The following NRP2 variants were observed in gnomAD, a reference collection of about 807,000 sequenced individuals.
NRP2 encodes neuropilin 2.
Under a neutral mutation model 110.4 loss-of-function variants are expected in NRP2, and 52 were observed. That is an observed-to-expected ratio of 0.47 (90% confidence interval 0.38 to 0.59). NRP2 has a LOEUF of 0.59. NRP2 is among the 20% of genes least tolerant of loss of function. The pLI is 0.00. For missense variants in NRP2, 1,049 were observed against 1,203.0 expected (o/e 0.87, Z 1.89); for synonymous variants, 508 against 468.9 (o/e 1.08, Z -1.08).
chr2:205,697,898 G>T (rs2056469717), intron 2 of NRP2, 177 bp downstream of exon 2: 1 of 710,098 alleles, frequency 1.4e-6, no homozygotes, highest in African/African-American at 1.7e-5. Context: ...AAATAAAGGT[G>T]TGGCTGATCC....
intron 1 of NRP2, among the ~76,000 whole-genome samples, chr2:205,690,175 GT>G (rs1232409316): frequency 6.6e-6 from 1 of 152,136 alleles, no homozygotes; most frequent in East Asian, 1.9e-4. Flanking sequence ...AATAATAATT[GT>G]TTGGATACAG....
intron 15 of NRP2, among the ~76,000 whole-genome samples, chr2:205,774,790 T>C (rs1017147670): frequency 2.6e-5 from 4 of 152,180 alleles, no homozygotes; most frequent in Admixed American, 6.5e-5. Context: ...GACTCAGAAA[T>C]AGGAGTCTTA....
At chr2:205,726,167 G>A in intron 6 of NRP2, 85 bp downstream of exon 6, 1 of 1,382,970 alleles carries the variant, frequency 7.2e-7, no homozygotes, top group African/African-American at 1.4e-5. Context: ...GTAGGCAGAG[G>A]ACACAAAGAA....
In NRP2 at chr2:205,723,786, T is replaced by C; in HGVS notation, c.666T>C (p.Val222=). ...CTTCTCTTTGTCTTGAATGTCCAGTTGGCCCCCTGATTGGCAAGTACTGTG... is the reference window on the plus strand; with the variant it reads ...CTTCTCTTTGTCTTGAATGTCCAGTCGGCCCCCTGATTGGCAAGTACTGTG... ...WLDIWDGIPH[V]GPLIGKYCGT... The change falls in exon 5 of 17, where the codon GTT becomes GTC. Residue 222 remains valine, a splice_region_variant and synonymous_variant. Coordinates refer to ENST00000357785, the MANE Select transcript of NRP2 (RefSeq NM_003872.3). 1 of 1,614,188 alleles carries C rather than the reference T, an allele frequency of 6.2e-7. No homozygotes were observed. The highest frequency in any genetic ancestry group is 8.5e-7 in the Non-Finnish European group (1 of 1,180,002).
intron 15 of NRP2, among the ~76,000 whole-genome samples, chr2:205,789,299 G>A (rs2058271611): frequency 1.3e-5 from 2 of 152,140 alleles, no homozygotes; most frequent in South Asian, 4.1e-4. Flanking sequence ...TCCACATGGG[G>A]GCCTAGAAGG....
Position 205,716,354 on chromosome 2 carries a change from G to T in NRP2, c.413G>T (p.Arg138Leu), listed in dbSNP as rs1478160503. 6.2e-7 allele frequency: 1 copy of T among 1,613,998 alleles called. No individual in the cohort carries two copies. The highest frequency in any genetic ancestry group is 2.2e-5 in the East Asian group (1 of 44,876). ...CGGCAGGGGGCAGGCTTCTCTCTGC[G>T]CTACGAGATCTTCAAGACAGGTCAG... is the stretch of plus-strand genomic sequence containing the variant. ...YARQGAGFSL[R>L]YEIFKTGSED... Residue 138 changes from arginine to leucine, a missense_variant, in exon 3 of 17, where the codon CGC (arginine) becomes CTC (leucine). Physicochemically the swap from Arg to Leu is moderately radical, Grantham distance 102 (BLOSUM62 -2). Transcript: ENST00000357785.
In NRP2 at chr2:205,725,895, A is replaced by G. The variant is rs1330729657; in HGVS notation, c.821-18A>G. 4 of 1,613,698 alleles carry G rather than the reference A, an allele frequency of 2.5e-6. No individual in the cohort carries two copies. In the South Asian group the frequency reaches 3.3e-5, roughly 13 times the overall value. On this transcript the variant is annotated intron_variant, in intron 5 of 16. Transcript: ENST00000357785. This position sits in a 1 kb window ranked among gnomAD's most constrained non-coding sequence, Gnocchi z 4.1. ...AGGTTGGAAGGCCTAACTGCATTTG[A>G]CCGTCTGCTTTCCCCAGACTTTCAG...
intron 15 of NRP2, among the ~76,000 whole-genome samples, chr2:205,789,611 C>T (rs544516477): frequency 6.6e-6 from 1 of 152,230 alleles, no homozygotes; most frequent in Non-Finnish European, 1.5e-5. Context: ...GGAGCTGTGG[C>T]CTCTACCCTC....
chr2:205,740,411 G>T, intron 7 of NRP2, 108 bp from the exon 8 acceptor site: 1 of 1,219,592 alleles, frequency 8.2e-7, no homozygotes, highest in Admixed American at 1.7e-5. Flanking sequence ...TTTTAAGCTT[G>T]AGGGAAAGAA....
rs201943861 is a variant in NRP2 at position 205,763,663 on chromosome 2, G to T, written c.2045-11G>T. The T allele has an allele frequency of 4.3e-6, 7 of 1,614,146 alleles. No homozygotes were observed. In the South Asian group the frequency reaches 5.5e-5, roughly 13 times the overall value. ...TTATGGAGAACCTCTGTTTGGGTTT[G>T]TTTCTGCCAGATGACAGGAATTTCT... On this transcript the variant is annotated splice_polypyrimidine_tract_variant and intron_variant, in intron 12 of 16. Coordinates refer to ENST00000357785, the MANE Select transcript of NRP2 (RefSeq NM_003872.3). This position sits in a 1 kb window ranked among gnomAD's most constrained non-coding sequence, Gnocchi z 4.0.
intron 1 of NRP2, among the ~76,000 whole-genome samples, chr2:205,695,692 CT>C (rs1297269834): frequency 6.6e-6 from 1 of 152,172 alleles, no homozygotes; most frequent in Non-Finnish European, 1.5e-5. Context: ...AAAATTCCCC[CT>C]TCTGCTAGTT....
In NRP2 at chr2:205,765,498, A is replaced by C. The variant is rs754582602; in HGVS notation, c.2332A>C (p.Lys778Gln). The change falls in exon 14 of 17, where the codon AAA (lysine) becomes CAA (glutamine). Residue 778 changes from lysine (K) to glutamine (Q), a missense_variant. Physicochemically the swap from Lys to Gln is moderately conservative, Grantham distance 53. Coordinates refer to ENST00000357785, the MANE Select transcript of NRP2 (RefSeq NM_003872.3). ...GATTGTGTTCGAGGGAGTGATAGGG[A>C]AAGGACGTTCCGGAGAGATTGCCAT... ...YQIVFEGVIGKGRSGEIAIDD... is the reference protein window; with the variant it reads ...YQIVFEGVIGQGRSGEIAIDD... The C allele has an allele frequency of 1.2e-6, 2 of 1,614,008 alleles. No homozygotes were observed. Among genetic ancestry groups the C allele is most frequent in the South Asian group, 1.1e-5 (1 of 91,086 alleles).
intron 10 of NRP2, among the ~76,000 whole-genome samples, chr2:205,748,109 C>T (rs1419599379): frequency 6.6e-6 from 1 of 152,174 alleles, no homozygotes; most frequent in Non-Finnish European, 1.5e-5. Flanking sequence ...ACACGCCCTG[C>T]CCTCCGGTGC....
rs1201284590 is a variant in NRP2, at chr2:205,795,974, A to ACATACACATAT, written c.*917_*927dup. 4.6e-5 allele frequency: 7 copies of ACATACACATAT among 152,132 alleles called. No homozygotes were observed. The highest frequency in any genetic ancestry group is 1.7e-4 in the African/African-American group (7 of 41,418). 9.4% of individuals were successfully genotyped at this position (152,132 alleles called of 1,614,324 possible). On this transcript the variant is annotated 3_prime_UTR_variant, in exon 17 of 17. Transcript: ENST00000357785. ...AAAACATATACATATATACATACAC[A>ACATACACATAT]CATACACATATTCTTCAGGTCTCTA...
chr2:205,740,466 G>T, intron 7 of NRP2, 53 bp from the exon 8 acceptor site: 1 of 1,607,914 alleles, frequency 6.2e-7, no homozygotes, highest in Non-Finnish European at 8.5e-7. Context: ...TGCTCAAGTG[G>T]CTGAACTACA....
chr2:205,788,780 G>A (rs1164014232), intron 15 of NRP2, among the ~76,000 whole-genome samples: 2 of 152,190 alleles, frequency 1.3e-5, no homozygotes, highest in African/African-American at 2.4e-5. Context: ...TGGCATGGGT[G>A]AGTCTTCACT....
chr2:205,728,403 A>G (rs559382523), intron 7 of NRP2, among the ~76,000 whole-genome samples: 25 of 152,298 alleles, frequency 1.6e-4, no homozygotes, highest in African/African-American at 5.1e-4. Flanking sequence ...TGGGTTAACA[A>G]TCACAAAACC....
intron 15 of NRP2, chr2:205,767,211 A>G (rs1209886268): frequency 1.3e-5 from 4 of 317,410 alleles, no homozygotes; most frequent in African/African-American, 8.9e-5. Flanking sequence ...TTTTAGCCTG[A>G]AGATGGTTTC....
intron 12 of NRP2, among the ~76,000 whole-genome samples, chr2:205,760,285 G>C (rs1479535685): frequency 6.6e-6 from 1 of 152,066 alleles, no homozygotes; most frequent in East Asian, 1.9e-4. Flanking sequence ...TTCTAATCAG[G>C]CCTCTGTCAG....
Sources: allele counts gnomAD v4.1 joint callset (sites outside exome capture counted in the v4.1 genomes callset), GRCh38; gene constraint gnomAD v4.1.1; non-coding constraint Gnocchi (gnomAD v3.1); transcripts MANE v1.5; gene names NCBI Gene and HGNC (gene_info 2026-07-23, HGNC 2026-07-21).